SCLY: variants seen among roughly 807,000 people sequenced by gnomAD.
The protein encoded by SCLY is selenocysteine lyase.
SCLY carries 38 observed loss-of-function variants against 50.1 expected under a neutral mutation model. The ratio of observed to expected loss-of-function variants is 0.76; its 90% CI spans 0.59 to 0.99. SCLY has a LOEUF of 0.99. Among genes scored for constraint, SCLY ranks in the 50% least tolerant of loss-of-function variants. The pLI is 0.00. For synonymous variants in SCLY, 243 were observed against 249.4 expected, an observed-to-expected ratio of 0.97 and a Z score of 0.24; for missense variants, 600 against 620.0, an observed-to-expected ratio of 0.97 and a Z score of 0.34.
chr2:238,073,694 C>G lies in SCLY; in HGVS notation c.484+4217C>G, dbSNP rs1318647199. ...CCCTTGAACAACATGGGTTTGAACT[C>G]TGTGGGTCTACTTATATGTGGATTT... On this transcript the variant is annotated intron_variant, in intron 4 of 11. Transcript: ENST00000254663. 1.5e-5 allele frequency: 7 copies of G among 462,848 alleles called. No individual in the cohort carries two copies. In the East Asian group the frequency reaches 4.9e-4, roughly 32 times the overall value. The allele number at this position is 462,848 out of a possible 1,614,324, so 28.7% of individuals were successfully genotyped here.
At chr2:238,075,577 C>G (rs1159106259) in intron 4 of SCLY, among the ~76,000 whole-genome samples, 3 of 152,232 alleles carry the variant, frequency 2.0e-5, no homozygotes, top group Admixed American at 1.3e-4. Context: ...TGTTCAGGCT[C>G]TATCTCTTTT....
rs1559254828 is a variant in SCLY at position 238,098,637 on chromosome 2, C to CCGCCCACATGGGAA, written c.*295_*296insACGCCCACATGGGA. The CCGCCCACATGGGAA allele has an allele frequency of 2.8e-4, 80 of 285,070 alleles. 2 individuals are homozygous for CCGCCCACATGGGAA. Among genetic ancestry groups the CCGCCCACATGGGAA allele is most frequent in the Admixed American group, 1.0e-3 (15 of 14,546 alleles). 17.7% of individuals were successfully genotyped at this position (285,070 alleles called of 1,614,324 possible). On this transcript the variant is annotated 3_prime_UTR_variant, in exon 12 of 12. Transcript: ENST00000254663. ...CCCACATGGGACCGCCCACATGGGA[C>CCGCCCACATGGGAA]CGCCCACATGGGACCGCCCACATAG...
intron 8 of SCLY, 186 bp from the exon 9 acceptor site, chr2:238,093,675 C>T: frequency 1.1e-5 from 7 of 623,298 alleles, no homozygotes; most frequent in Non-Finnish European, 1.7e-5. Flanking sequence ...CAGGAGGTAC[C>T]TGGTGAAGTC....
At chr2:238,073,403 A>G (rs1224097642) in intron 4 of SCLY, among the ~76,000 whole-genome samples, 1 of 152,174 alleles carries the variant, frequency 6.6e-6, no homozygotes, top group Admixed American at 6.5e-5. Context: ...TCTAGCTAGG[A>G]GTTTGATAGG....
At position 238,083,429 on chromosome 2, in the gene SCLY, A is replaced by G; in HGVS notation, c.884+75A>G. 1 of 1,126,500 alleles carries G rather than the reference A, an allele frequency of 8.9e-7. No homozygotes were observed. Among genetic ancestry groups the G allele is most frequent in the Non-Finnish European group, 1.4e-6 (1 of 737,892 alleles). The allele number at this position is 1,126,500 out of a possible 1,614,324, so 69.8% of individuals were successfully genotyped here. A position where few individuals can be genotyped will look rare whatever the true frequency, so the allele number is the denominator to read the frequency against. On this transcript the variant is annotated intron_variant, in intron 7 of 11. Coordinates refer to ENST00000254663, the MANE Select transcript of SCLY (RefSeq NM_016510.7). The surrounding 1 kb of genome is among the most constrained non-coding windows in gnomAD (Gnocchi z 4.3). ...TAGAGCAGTGACATTGTAAAGAAAC[A>G]TGGCGCTGTTTCTTGGTCTCGTGGA...
intron 7 of SCLY, among the ~76,000 whole-genome samples, chr2:238,086,524 T>G (rs1307596685): frequency 2.7e-5 from 4 of 146,758 alleles, no homozygotes; most frequent in African/African-American, 1.0e-4. Flanking sequence ...CTGGGCAACA[T>G]AGCAAGATCT....
intron 3 of SCLY, among the ~76,000 whole-genome samples, chr2:238,068,548 CAGAA>C (rs1208873653): frequency 1.3e-5 from 2 of 152,092 alleles, no homozygotes; most frequent in African/African-American, 2.4e-5. Context: ...GACCCTGTCT[CAGAA>C]AGAAAGAGAG....
intron 11 of SCLY, among the ~76,000 whole-genome samples, chr2:238,097,897 AC>A (rs1406821353): frequency 6.6e-6 from 1 of 151,892 alleles, no homozygotes; most frequent in Non-Finnish European, 1.5e-5. Flanking sequence ...AGGACCTCAG[AC>A]CCCTCAAGGA....
chr2:238,096,595 C>T (rs1046917981), intron 10 of SCLY, among the ~76,000 whole-genome samples: 4 of 152,244 alleles, frequency 2.6e-5, no homozygotes, highest in Non-Finnish European at 4.4e-5. Flanking sequence ...ATAGTGTCTG[C>T]GTTTGTGCAG....
intron 11 of SCLY, among the ~76,000 whole-genome samples, chr2:238,097,107 G>A (rs1469674983): frequency 6.6e-6 from 1 of 151,518 alleles, no homozygotes; most frequent in South Asian, 2.1e-4. Flanking sequence ...GCTCAGTTCT[G>A]AAGGCGGAGG....
Position 238,081,736 on chromosome 2 carries a change from T to C in SCLY, c.512T>C (p.Val171Ala). The change falls in exon 5 of 12, where the codon GTG (valine) becomes GCG (alanine). Residue 171 changes from valine to alanine, a missense_variant. Coordinates refer to ENST00000254663, the MANE Select transcript of SCLY (RefSeq NM_016510.7). ...AAVTFVPVSK[V>A]SGQAEVDDIL... is the part of the protein sequence containing the mutation. ...GTCACCTTTGTCCCGGTGTCCAAGG[T>C]GAGCGGGCAGGCAGAGGTGGACGAC... The C allele has an allele frequency of 6.2e-7, 1 of 1,614,212 alleles. No individual in the cohort carries two copies. Among genetic ancestry groups the C allele is most frequent in the Non-Finnish European group, 8.5e-7 (1 of 1,180,034 alleles).
At chr2:238,090,332 A>G (rs2065348801) in intron 7 of SCLY, among the ~76,000 whole-genome samples, 1 of 152,212 alleles carries the variant, frequency 6.6e-6, no homozygotes, top group Non-Finnish European at 1.5e-5. Context: ...CCAGAGGTTT[A>G]AGAAAACTTT....
rs1184293189 is a variant in SCLY, at chr2:238,066,674, G to A, written c.203-1391G>A. ...AGCATTTGCTGGTGGATTAATTGGC[G>A]GGGAATGAAAAGGGAAAGAGCCCAC... On this transcript the variant is annotated intron_variant, in intron 2 of 11. Transcript: ENST00000254663. This position sits in a 1 kb window ranked among gnomAD's most constrained non-coding sequence, Gnocchi z 4.1. Among the ~76,000 whole-genome samples the A allele has an allele frequency of 3.3e-5, 5 of 152,296 alleles. No homozygotes were observed. Among genetic ancestry groups the A allele is most frequent in the South Asian group, 2.1e-4 (1 of 4,820 alleles).
chr2:238,061,740 G>A (rs2065020642), intron 1 of SCLY, among the ~76,000 whole-genome samples: 1 of 152,144 alleles, frequency 6.6e-6, no homozygotes, highest in African/African-American at 2.4e-5. Context: ...AGGTGAAAGG[G>A]AATCAAGGGT....
At position 238,098,427 on chromosome 2, in the gene SCLY, C is replaced by T. The variant is rs561615395; in HGVS notation, c.*72C>T. ...GGCACAGGGTTGTCCCTCCAGTTCC[C>T]TCCTGAGGGCTGTGCCAGGATGACT... On this transcript the variant is annotated 3_prime_UTR_variant, in exon 12 of 12. Transcript: ENST00000254663. The T allele has an allele frequency of 2.8e-6, 4 of 1,444,604 alleles. No individual in the cohort carries two copies. The African/African-American group carries it at 4.2e-5, about 15-fold the overall frequency. 89.5% of individuals were successfully genotyped at this position (1,444,604 alleles called of 1,614,324 possible).
chr2:238,095,357 C>G (rs896696875), intron 10 of SCLY: 5 of 152,186 alleles, frequency 3.3e-5, no homozygotes, highest in Non-Finnish European at 7.3e-5. Flanking sequence ...AGTGGAAGTC[C>G]AGGTGATTGA....
At position 238,098,349 on chromosome 2, in the gene SCLY, G is replaced by A; in HGVS notation, c.1332G>A (p.Gln444=). Residue 444 remains glutamine (Q), a synonymous_variant, in exon 12 of 12, where the codon CAG becomes CAA. Transcript: ENST00000254663. ...AGGCCGTGGCGCAGCTGGAGGACCA[G>A]GCCTAGCACTGGGGCCGCCTTCCCC... ...LKQAVAQLED[Q]A The A allele has an allele frequency of 2.5e-6, 4 of 1,594,150 alleles. No homozygotes were observed.
Position 238,083,915 on chromosome 2 carries a change from T to G in SCLY, c.884+561T>G, listed in dbSNP as rs1337467502. Among the ~76,000 whole-genome samples, 1 of 152,194 alleles carries G rather than the reference T, an allele frequency of 6.6e-6. No homozygotes were observed. Among genetic ancestry groups the G allele is most frequent in the African/African-American group, 2.4e-5 (1 of 41,432 alleles). ...TTAGTGCTGAAGAAGCCGGCAAACC[T>G]GATATGCTAGTAAGGGCAGACACAA... On this transcript the variant is annotated intron_variant, in intron 7 of 11. Transcript: ENST00000254663. This position sits in a 1 kb window ranked among gnomAD's most constrained non-coding sequence, Gnocchi z 4.3.
At chr2:238,068,789 CAG>C (rs2065100142) in intron 3 of SCLY, among the ~76,000 whole-genome samples, 1 of 152,164 alleles carries the variant, frequency 6.6e-6, no homozygotes, top group Admixed American at 6.5e-5. Flanking sequence ...CTGTAACAAA[CAG>C]TGCTGCACTT....
Sources: allele counts gnomAD v4.1 joint callset (sites outside exome capture counted in the v4.1 genomes callset), GRCh38; gene constraint gnomAD v4.1.1; non-coding constraint Gnocchi (gnomAD v3.1); transcripts MANE v1.5; gene names NCBI Gene and HGNC (gene_info 2026-07-23, HGNC 2026-07-21).